SLC35A1: variants seen among roughly 807,000 people sequenced by gnomAD.
SLC35A1 encodes CMP-sialic acid transporter.
Under a neutral mutation model 40.3 loss-of-function variants are expected in SLC35A1, and 21 were observed. The ratio of observed to expected loss-of-function variants is 0.52; its 90% CI spans 0.37 to 0.75. The LOEUF (loss-of-function observed/expected upper bound fraction) is 0.75, where lower values mean the gene tolerates loss of function less well. SLC35A1 is among the 30% of genes least tolerant of loss of function. The pLI, the probability that SLC35A1 is intolerant of heterozygous loss-of-function variation, is 0.00. For synonymous variants in SLC35A1, 146 were observed against 147.3 expected (o/e 0.99, Z 0.06); for missense variants, 297 against 382.1 (o/e 0.78, Z 1.86).
intron 7 of SLC35A1, among the ~76,000 whole-genome samples, chr6:87,509,645 G>C (rs1036798431): frequency 2.6e-5 from 4 of 152,146 alleles, no homozygotes; most frequent in African/African-American, 9.7e-5. Flanking sequence ...GCATTTGGGT[G>C]TGAGACGGTT....
Position 87,477,441 on chromosome 6 carries a change from A to G in SLC35A1, c.96A>G (p.Arg32=), listed in dbSNP as rs568501646. 67 of 1,613,848 alleles carry G rather than the reference A, an allele frequency of 4.2e-5. 1 individual carries two copies. In the South Asian group the frequency reaches 7.2e-4, roughly 17 times the overall value. Residue 32 remains arginine (R), a synonymous_variant, in exon 2 of 8, where the codon AGA becomes AGG. Coordinates refer to ENST00000369552, the MANE Select transcript of SLC35A1 (RefSeq NM_006416.5). ...CTGCAGTCTATACCATAGCTTTAAGATACACAAGGACATCAGACAAAGAAC... is the reference window on the plus strand; with the variant it reads ...CTGCAGTCTATACCATAGCTTTAAGGTACACAAGGACATCAGACAAAGAAC... ...LMAAVYTIAL[R]YTRTSDKELY... is the part of the protein sequence containing the mutation.
chr6:87,475,850 G>A (rs1769054143), intron 1 of SLC35A1, among the ~76,000 whole-genome samples: 1 of 152,224 alleles, frequency 6.6e-6, no homozygotes, highest in Admixed American at 6.5e-5. Context: ...ACCTGGAGTT[G>A]TCAAAGTATG....
chr6:87,492,871 G>T (rs1374979679), intron 2 of SLC35A1, among the ~76,000 whole-genome samples: 1 of 152,008 alleles, frequency 6.6e-6, no homozygotes, highest in Non-Finnish European at 1.5e-5. Context: ...TCTTGATTAA[G>T]GTAGTGCCTG....
chr6:87,495,170 G>A (rs1769684827), intron 2 of SLC35A1, among the ~76,000 whole-genome samples: 1 of 152,154 alleles, frequency 6.6e-6, no homozygotes, highest in Non-Finnish European at 1.5e-5. Flanking sequence ...ATGTTGTCCA[G>A]GCTGGTCTCA....
chr6:87,496,922 A>G (rs16879441), intron 2 of SLC35A1, among the ~76,000 whole-genome samples: 9,228 of 152,164 alleles, frequency 0.061, 356 homozygotes, highest in East Asian at 0.096. Context: ...AAACAAAACG[A>G]TGATTACTAG....
intron 2 of SLC35A1, chr6:87,488,697 C>G (rs991569203): frequency 6.6e-6 from 1 of 152,300 alleles, no homozygotes; most frequent in Non-Finnish European, 1.5e-5. Flanking sequence ...GCAATTGTAG[C>G]TCCATGGATT....
In SLC35A1 at chr6:87,511,578, A is replaced by G; in HGVS notation, c.*52A>G. Reference sequence around the variant, plus strand: ...AAGACTAAACCATTTGCATTAAACTAGAGCCTTAAGTCAATCTCAGAAGGT... The same window carrying G: ...AAGACTAAACCATTTGCATTAAACTGGAGCCTTAAGTCAATCTCAGAAGGT... On this transcript the variant is annotated 3_prime_UTR_variant, in exon 8 of 8. Coordinates refer to ENST00000369552, the MANE Select transcript of SLC35A1 (RefSeq NM_006416.5). 6.3e-7 allele frequency: 1 copy of G among 1,584,782 alleles called. No homozygotes were observed. The highest frequency in any genetic ancestry group is 8.7e-7 in the Non-Finnish European group (1 of 1,153,492).
intron 1 of SLC35A1, among the ~76,000 whole-genome samples, chr6:87,475,950 A>C (rs556785493): frequency 2.6e-5 from 4 of 152,234 alleles, no homozygotes; most frequent in Middle Eastern, 3.4e-3. Flanking sequence ...ATTTGAATGG[A>C]GGTGAAGGGG....
chr6:87,491,638 A>G (rs1209210121), intron 2 of SLC35A1, among the ~76,000 whole-genome samples: 1 of 152,228 alleles, frequency 6.6e-6, no homozygotes, highest in African/African-American at 2.4e-5. Context: ...AGGTGGCTCT[A>G]TAATAAAATA....
chr6:87,490,474 C>T (rs1204476488), intron 2 of SLC35A1, among the ~76,000 whole-genome samples: 1 of 151,484 alleles, frequency 6.6e-6, no homozygotes, highest in African/African-American at 2.4e-5. Context: ...ACTGGGACAA[C>T]AGGTACACAC....
At chr6:87,481,607 C>T (rs150391785) in intron 2 of SLC35A1, among the ~76,000 whole-genome samples, 3,985 of 152,222 alleles carry the variant, frequency 0.026, 64 homozygotes, top group Non-Finnish European at 0.039. Context: ...AGCTAAATTT[C>T]ACCTTTATAT....
Position 87,480,153 on chromosome 6 carries a change from A to G in SLC35A1, c.194+2614A>G, listed in dbSNP as rs1292178369. 5.9e-5 allele frequency among the ~76,000 whole-genome samples: 9 copies of G among 152,232 alleles called. No individual in the cohort carries two copies. The East Asian group carries it at 1.5e-3, about 26-fold the overall frequency. On this transcript the variant is annotated intron_variant, in intron 2 of 7. Transcript: ENST00000369552. ...CACTGCATCCTGTTAAGTCTCCAAG[A>G]AATGCCAAATTTTTCCCCGTGTCGT...
intron 4 of SLC35A1, among the ~76,000 whole-genome samples, chr6:87,503,091 T>G (rs1277597061): frequency 6.6e-6 from 1 of 152,222 alleles, no homozygotes; most frequent in East Asian, 1.9e-4. Flanking sequence ...TCTGGGTCTT[T>G]AATGAAAATT....
At chr6:87,508,701 C>T in intron 6 of SLC35A1, 105 bp downstream of exon 6, 1 of 936,388 alleles carries the variant, frequency 1.1e-6, no homozygotes, top group Non-Finnish European at 1.6e-6. Context: ...TCCTTTGATA[C>T]TGTAAATACC....
chr6:87,479,642 A>G (rs568508424), intron 2 of SLC35A1, among the ~76,000 whole-genome samples: 1 of 152,210 alleles, frequency 6.6e-6, no homozygotes, highest in South Asian at 2.1e-4. Context: ...CTTTCTGCTA[A>G]TATCATGTCT....
intron 7 of SLC35A1, 96 bp downstream of exon 7, chr6:87,509,271 T>C: frequency 1.4e-6 from 2 of 1,466,716 alleles, no homozygotes; most frequent in Admixed American, 3.3e-5. Context: ...TTGGTCATAC[T>C]GTTTACAGAA....
chr6:87,504,366 A>G (rs763138987), intron 4 of SLC35A1, among the ~76,000 whole-genome samples: 3 of 151,938 alleles, frequency 2.0e-5, no homozygotes, highest in Non-Finnish European at 4.4e-5. Flanking sequence ...CTATTCTTAA[A>G]TTCCTGGTTA....
At chr6:87,497,090 T>TC (rs1491128387) in intron 2 of SLC35A1, among the ~76,000 whole-genome samples, 2 of 152,200 alleles carry the variant, frequency 1.3e-5, no homozygotes, top group African/African-American at 4.8e-5. Flanking sequence ...TTTAAAACTT[T>TC]CTGTGTGGTG....
intron 4 of SLC35A1, among the ~76,000 whole-genome samples, chr6:87,502,281 C>G (rs1307037954): frequency 6.6e-6 from 1 of 152,210 alleles, no homozygotes; most frequent in African/African-American, 2.4e-5. Flanking sequence ...CCCACTGTCT[C>G]CCAATGTTGT....
Sources: allele counts gnomAD v4.1 joint callset (sites outside exome capture counted in the v4.1 genomes callset), GRCh38; gene constraint gnomAD v4.1.1; transcripts MANE v1.5; gene names NCBI Gene and HGNC (gene_info 2026-07-23, HGNC 2026-07-21).